Variants in PIAS2 observed in about 807,000 individuals in gnomAD.
PIAS2 encodes protein inhibitor of activated STAT 2.
In PIAS2, 19 loss-of-function variants were observed where a neutral mutation model predicts 69.7. The ratio of observed to expected loss-of-function variants is 0.27; its 90% confidence interval spans 0.19 to 0.40. PIAS2 has a LOEUF of 0.40. Ranked by LOEUF, PIAS2 falls within the 10% of genes least tolerant of loss-of-function variation. PIAS2 has a pLI of 1.00. For missense variants in PIAS2, 624 were observed against 757.0 expected, an observed-to-expected ratio of 0.82 and a Z score of 2.06; for synonymous variants, 261 against 263.2, an observed-to-expected ratio of 0.99 and a Z score of 0.08.
chr18:46,888,390 A>C (rs73437155), intron 2 of PIAS2, among the ~76,000 whole-genome samples: 3,025 of 152,164 alleles, frequency 0.02, 100 homozygotes, highest in African/African-American at 0.069. Flanking sequence ...GAAATAGAAA[A>C]ACTCATTCTA....
rs1384145431 is a variant in PIAS2, at chr18:46,806,389, A to C, written c.*6044T>G. 1.2e-4 allele frequency: 5 copies of C among 41,564 alleles called. No homozygotes were observed. The highest frequency in any genetic ancestry group is 1.1e-4 in the Non-Finnish European group (2 of 18,560). The allele number at this position is 41,564 out of a possible 1,614,324, so 2.6% of individuals were successfully genotyped here. ...TTTTTTTTTTTTTTTTTTTGGTCTC[A>C]CTCTGTCACCCAGGCTGGAGTACAG... On this transcript the variant is annotated 3_prime_UTR_variant, in exon 14 of 14. Coordinates refer to ENST00000585916, the MANE Select transcript of PIAS2 (RefSeq NM_004671.5).
intron 1 of PIAS2, among the ~76,000 whole-genome samples, chr18:46,911,145 A>G (rs1420999048): frequency 1.3e-5 from 2 of 151,998 alleles, no homozygotes; most frequent in Admixed American, 1.3e-4. Flanking sequence ...ATGAGAACCC[A>G]TTATAATATT....
intron 8 of PIAS2, among the ~76,000 whole-genome samples, chr18:46,839,136 T>A (rs1016294336): frequency 1.3e-5 from 2 of 152,216 alleles, no homozygotes; most frequent in Non-Finnish European, 2.9e-5. Context: ...CCAATGTAAG[T>A]GAGTTGGCTT....
chr18:46,911,867 A>T (rs1839170504), intron 1 of PIAS2, among the ~76,000 whole-genome samples: 1 of 152,176 alleles, frequency 6.6e-6, no homozygotes, highest in African/African-American at 2.4e-5. Flanking sequence ...CCTGACCAAC[A>T]TGGTGAAACC....
chr18:46,917,957 T>C (rs1599230232), upstream of PIAS2: 1 of 152,132 alleles, frequency 6.6e-6, no homozygotes, highest in Admixed American at 6.6e-5. Context: ...AATGGTGAGG[T>C]TGTGTGACAC....
At chr18:46,837,502 C>T (rs1164540912) in intron 8 of PIAS2, among the ~76,000 whole-genome samples, 1 of 152,062 alleles carries the variant, frequency 6.6e-6, no homozygotes, top group Non-Finnish European at 1.5e-5. Flanking sequence ...ACGTGTGTAA[C>T]ATGAACTGCA....
At chr18:46,861,975 CAG>C (rs780399454) in intron 3 of PIAS2, among the ~76,000 whole-genome samples, 40 of 151,994 alleles carry the variant, frequency 2.6e-4, no homozygotes, top group Middle Eastern at 3.2e-3. Context: ...TTAAAGGAAA[CAG>C]GGATAAAGAA....
rs1451716826 is a variant in PIAS2, at chr18:46,805,798, T to C, written c.*6635A>G. The C allele has an allele frequency of 6.6e-6, 1 of 151,836 alleles. No individual in the cohort carries two copies. Among genetic ancestry groups the C allele is most frequent in the Non-Finnish European group, 1.5e-5 (1 of 67,940 alleles). The allele number at this position is 151,836 out of a possible 1,614,324, so 9.4% of individuals were successfully genotyped here. On this transcript the variant is annotated 3_prime_UTR_variant, in exon 14 of 14. Coordinates refer to ENST00000585916, the MANE Select transcript of PIAS2 (RefSeq NM_004671.5). ...AGGCAAAAATGGATGACAAGGGAGG[T>C]TTGTACTTTTATTTAAAAGACTGCA...
intron 1 of PIAS2, among the ~76,000 whole-genome samples, chr18:46,894,606 C>A (rs1025631520): frequency 6.6e-6 from 1 of 152,074 alleles, no homozygotes. Flanking sequence ...AATCTAAATT[C>A]TAAACAAAAA....
chr18:46,840,969 G>C (rs1207221934), intron 8 of PIAS2, among the ~76,000 whole-genome samples: 1 of 151,124 alleles, frequency 6.6e-6, no homozygotes, highest in Non-Finnish European at 1.5e-5. Context: ...TTTTCAGCAG[G>C]ACTTTTTTTT....
chr18:46,879,125 T>C (rs550949977), intron 2 of PIAS2, among the ~76,000 whole-genome samples: 1 of 152,310 alleles, frequency 6.6e-6, no homozygotes, highest in East Asian at 1.9e-4. Flanking sequence ...TACTGTATCA[T>C]CACCAACTAA....
At chr18:46,886,633 T>G (rs575494681) in intron 2 of PIAS2, among the ~76,000 whole-genome samples, 1 of 152,020 alleles carries the variant, frequency 6.6e-6, no homozygotes, top group African/African-American at 2.4e-5. Flanking sequence ...AGGTCAGAAG[T>G]TCAAGACCAG....
chr18:46,867,281 G>A (rs1217087869), intron 2 of PIAS2, among the ~76,000 whole-genome samples: 2 of 151,980 alleles, frequency 1.3e-5, no homozygotes, highest in Non-Finnish European at 1.5e-5. Flanking sequence ...CTGTGTCATT[G>A]CTATATACTA....
intron 5 of PIAS2, among the ~76,000 whole-genome samples, chr18:46,847,279 G>T (rs1336450847): frequency 6.6e-6 from 1 of 152,094 alleles, no homozygotes; most frequent in African/African-American, 2.4e-5. Flanking sequence ...ACAAACTAAT[G>T]AATTTCATTT....
intron 8 of PIAS2, among the ~76,000 whole-genome samples, chr18:46,841,324 C>G (rs1458478772): frequency 2.0e-5 from 3 of 152,136 alleles, no homozygotes; most frequent in Non-Finnish European, 4.4e-5. Context: ...TCACCCTACA[C>G]TATCATTTTC....
At chr18:46,851,425 A>G (rs932333865) in intron 5 of PIAS2, among the ~76,000 whole-genome samples, 4 of 152,250 alleles carry the variant, frequency 2.6e-5, no homozygotes, top group African/African-American at 9.6e-5. Flanking sequence ...GCTTCTTAAA[A>G]TAACTCCCTA....
chr18:46,850,518 T>C (rs2046807166), intron 5 of PIAS2, among the ~76,000 whole-genome samples: 1 of 152,190 alleles, frequency 6.6e-6, no homozygotes, highest in African/African-American at 2.4e-5. Context: ...CATATATTTT[T>C]AAAGCCAGTC....
In PIAS2 at chr18:46,891,066, G is replaced by GAAAAA. The variant is rs751956832; in HGVS notation, c.25-17_25-13dup. 2 of 1,485,822 alleles carry GAAAAA rather than the reference G, an allele frequency of 1.3e-6. No individual in the cohort carries two copies. The highest frequency in any genetic ancestry group is 9.1e-7 in the Non-Finnish European group (1 of 1,101,756). 92.0% of individuals were successfully genotyped at this position (1,485,822 alleles called of 1,614,324 possible). A position where few individuals can be genotyped will look rare whatever the true frequency, so the allele number is the denominator to read the frequency against. On this transcript the variant is annotated splice_polypyrimidine_tract_variant and intron_variant, in intron 1 of 13. Coordinates refer to ENST00000585916, the MANE Select transcript of PIAS2 (RefSeq NM_004671.5). Reference sequence around the variant, plus strand: ...CTAGAAACCATATTCTAAAAGGAAAGAAAAAAAAACATAAGCCAAGTCACC... The same window carrying GAAAAA: ...CTAGAAACCATATTCTAAAAGGAAAGAAAAAAAAAAAAAACATAAGCCAAGTCACC...
intron 2 of PIAS2, among the ~76,000 whole-genome samples, chr18:46,880,074 T>A (rs7240239): frequency 1.3e-5 from 2 of 149,144 alleles, no homozygotes; most frequent in East Asian, 2.0e-4. Context: ...TCAGACAGTA[T>A]GTATTTTACC....
Sources: allele counts gnomAD v4.1 joint callset (sites outside exome capture counted in the v4.1 genomes callset), GRCh38; gene constraint gnomAD v4.1.1; transcripts MANE v1.5; gene names NCBI Gene and HGNC (gene_info 2026-07-23, HGNC 2026-07-21).